IMMP2L: variants seen among roughly 807,000 people sequenced by gnomAD.
IMMP2L encodes mitochondrial inner membrane protease subunit 2.
A neutral mutation model predicts 19.3 loss-of-function variants in IMMP2L; 18 were observed. The ratio of observed to expected loss-of-function variants is 0.93; its 90% CI spans 0.64 to 1.38. The LOEUF (loss-of-function observed/expected upper bound fraction) is 1.38. Ranked by LOEUF, IMMP2L falls within the 40% of genes most tolerant of loss-of-function variation. The pLI is 0.00. For missense variants in IMMP2L, 233 were observed against 218.2 expected, an observed-to-expected ratio of 1.07 and a Z score of -0.43; for synonymous variants, 76 against 73.0, an observed-to-expected ratio of 1.04 and a Z score of -0.21.
chr7:111,242,715 C>T (rs1230444564), intron 3 of IMMP2L, among the ~76,000 whole-genome samples: 2 of 151,842 alleles, frequency 1.3e-5, no homozygotes, highest in African/African-American at 4.8e-5. Context: ...TCTAAATACT[C>T]CTCCAATTCA....
chr7:110,905,539 A>G (rs947659881), intron 4 of IMMP2L, among the ~76,000 whole-genome samples: 1 of 152,176 alleles, frequency 6.6e-6, no homozygotes, highest in African/African-American at 2.4e-5. Flanking sequence ...TAGAGCAGGT[A>G]ATATCCAAAA....
rs1420220452 is a variant in IMMP2L at position 111,454,258 on chromosome 7, A to C, written c.239+32980T>G. ...AGTAATCCTCCATCTCTGCCTCCAG[A>C]ATAGCTGGGACCACAGGTGCAGGCC... is the stretch of plus-strand genomic sequence containing the variant. On this transcript the variant is annotated intron_variant, in intron 3 of 5. Transcript: ENST00000405709. 3.3e-5 allele frequency among the ~76,000 whole-genome samples: 5 copies of C among 152,148 alleles called. 1 individual carries two copies. The highest frequency in any genetic ancestry group is 7.4e-5 in the Non-Finnish European group (5 of 68,018).
chr7:111,336,683 G>T (rs1389542042), intron 3 of IMMP2L, among the ~76,000 whole-genome samples: 1 of 151,562 alleles, frequency 6.6e-6, no homozygotes, highest in Non-Finnish European at 1.5e-5. Flanking sequence ...ATAATTTCTT[G>T]CTCTTTCTCA....
At chr7:110,796,502 C>T (rs772999837) in intron 5 of IMMP2L, among the ~76,000 whole-genome samples, 3 of 151,980 alleles carry the variant, frequency 2.0e-5, no homozygotes, top group Non-Finnish European at 4.4e-5. Context: ...GATTTTCTAA[C>T]AAAAACTCTC....
rs1314359628 is a variant in IMMP2L, at chr7:110,688,843, G to C, written c.409-25122C>G. ...TTGTCCTTTCTCTCTGTCTCTCTCT[G>C]TATGTATGTATGTATATACACATAC... On this transcript the variant is annotated intron_variant, in intron 5 of 5. Coordinates refer to ENST00000405709, the MANE Select transcript of IMMP2L (RefSeq NM_032549.4). 4.6e-5 allele frequency among the ~76,000 whole-genome samples: 7 copies of C among 151,250 alleles called. No individual in the cohort carries two copies. The South Asian group carries it at 1.0e-3, about 22-fold the overall frequency.
At chr7:111,017,058 T>A (rs1472915769) in intron 3 of IMMP2L, among the ~76,000 whole-genome samples, 1 of 142,996 alleles carries the variant, frequency 7.0e-6, no homozygotes, top group Admixed American at 7.6e-5. Flanking sequence ...TTTTTTAATA[T>A]ATGTGCCTTT....
intron 3 of IMMP2L, among the ~76,000 whole-genome samples, chr7:110,970,124 A>T (rs542011390): frequency 7.0e-6 from 1 of 142,602 alleles, no homozygotes; most frequent in Non-Finnish European, 1.5e-5. Context: ...GATTATGTAA[A>T]ATCAATTAAA....
At chr7:110,971,261 G>A (rs1820116950) in intron 3 of IMMP2L, among the ~76,000 whole-genome samples, 1 of 152,138 alleles carries the variant, frequency 6.6e-6, no homozygotes, top group Non-Finnish European at 1.5e-5. Flanking sequence ...GAGATGCCAA[G>A]CTTAGGGTAG....
chr7:111,377,984 G>T (rs1235908752), intron 3 of IMMP2L, among the ~76,000 whole-genome samples: 2 of 150,770 alleles, frequency 1.3e-5, no homozygotes, highest in African/African-American at 4.9e-5. Flanking sequence ...AAAATCAAGG[G>T]GAATACGGAG....
intron 3 of IMMP2L, among the ~76,000 whole-genome samples, chr7:111,364,007 C>T (rs78243886): frequency 1.3e-5 from 2 of 151,736 alleles, no homozygotes; most frequent in Non-Finnish European, 2.9e-5. Flanking sequence ...GATCCCCCCC[C>T]ACACACACAC....
intron 3 of IMMP2L, among the ~76,000 whole-genome samples, chr7:111,112,932 A>T (rs1799414022): frequency 6.6e-6 from 1 of 152,192 alleles, no homozygotes; most frequent in Non-Finnish European, 1.5e-5. Flanking sequence ...TGAAGGAGCT[A>T]ATTTTATTTC....
intron 5 of IMMP2L, among the ~76,000 whole-genome samples, chr7:110,813,100 T>A (rs373759096): frequency 1.4e-4 from 21 of 152,132 alleles, no homozygotes; most frequent in Middle Eastern, 3.4e-3. Context: ...ACCTCTTTTT[T>A]CAGGATTAAG....
At chr7:111,481,862 C>A (rs1842222176) in intron 3 of IMMP2L, among the ~76,000 whole-genome samples, 1 of 152,130 alleles carries the variant, frequency 6.6e-6, no homozygotes, top group Admixed American at 6.5e-5. Flanking sequence ...ATGTATGTCA[C>A]ATGTGTAATT....
chr7:110,995,798 A>T (rs1397460513), intron 3 of IMMP2L, among the ~76,000 whole-genome samples: 1 of 152,118 alleles, frequency 6.6e-6, no homozygotes, highest in East Asian at 1.9e-4. Context: ...CCTTGGCCAA[A>T]AGAATCACAA....
intron 5 of IMMP2L, among the ~76,000 whole-genome samples, chr7:110,686,546 T>A (rs926903339): frequency 3.3e-5 from 5 of 152,014 alleles, no homozygotes; most frequent in Non-Finnish European, 7.4e-5. Flanking sequence ...TCACACCAGA[T>A]CATATTCAGT....
intron 5 of IMMP2L, among the ~76,000 whole-genome samples, chr7:110,878,164 T>C (rs534198842): frequency 6.6e-6 from 1 of 152,244 alleles, no homozygotes; most frequent in East Asian, 1.9e-4. Flanking sequence ...TCTAGAATTC[T>C]AGAGATACTC....
At chr7:110,987,219 G>A (rs538234515) in intron 3 of IMMP2L, among the ~76,000 whole-genome samples, 76 of 152,212 alleles carry the variant, frequency 5.0e-4, no homozygotes, top group African/African-American at 1.8e-3. Flanking sequence ...TACTTATAAA[G>A]ATGTCAAGGA....
At chr7:110,848,175 A>G (rs1805852184) in intron 5 of IMMP2L, among the ~76,000 whole-genome samples, 1 of 151,868 alleles carries the variant, frequency 6.6e-6, no homozygotes, top group Non-Finnish European at 1.5e-5. Flanking sequence ...ATAGAGAACT[A>G]TTATCTAGAA....
chr7:111,446,029 T>TC (rs1838353835), intron 3 of IMMP2L, among the ~76,000 whole-genome samples: 1 of 151,966 alleles, frequency 6.6e-6, no homozygotes, highest in Non-Finnish European at 1.5e-5. Flanking sequence ...CACGAGACTG[T>TC]ATCCCACACC....
Sources: gnomAD v4.1 joint callset for allele counts (sites outside exome capture counted in the v4.1 genomes callset) on GRCh38, gnomAD v4.1.1 for gene constraint, MANE v1.5 for transcripts, NCBI Gene and HGNC (gene_info 2026-07-23, HGNC 2026-07-21) for gene names.